PDE11A: variants seen among roughly 807,000 people sequenced by gnomAD.
The protein encoded by PDE11A is dual 3',5'-cyclic-AMP and -GMP phosphodiesterase 11A.
PDE11A carries 100 observed loss-of-function variants against 100.5 expected under a neutral mutation model. The ratio of observed to expected loss-of-function variants is 1.00; its 90% CI spans 0.85 to 1.18. The LOEUF (loss-of-function observed/expected upper bound fraction) is 1.18. Ranked by LOEUF, PDE11A falls within the 50% of genes most tolerant of loss-of-function variation. The pLI is 0.00. For synonymous variants in PDE11A, 381 were observed against 420.8 expected (o/e 0.91, Z 1.16); for missense variants, 1,141 against 1,152.6 (o/e 0.99, Z 0.15).
chr2:178,060,790 C>G (rs1036623766), intron 1 of PDE11A, among the ~76,000 whole-genome samples: 1 of 151,960 alleles, frequency 6.6e-6, no homozygotes, highest in Non-Finnish European at 1.5e-5. Flanking sequence ...TTGATTCATC[C>G]AACCCTCTAG....
intron 12 of PDE11A, among the ~76,000 whole-genome samples, chr2:177,716,655 T>C (rs951246736): frequency 2.0e-5 from 3 of 152,124 alleles, no homozygotes; most frequent in African/African-American, 2.4e-5. Context: ...GTCTATCAAG[T>C]ATGAAATAAT....
At chr2:178,006,458 C>A (rs952196327) in intron 2 of PDE11A, among the ~76,000 whole-genome samples, 5 of 152,092 alleles carry the variant, frequency 3.3e-5, no homozygotes, top group African/African-American at 7.2e-5. Flanking sequence ...AACCCCTAAG[C>A]TGGACCCTGG....
chr2:177,945,923 G>C (rs1458046451), intron 2 of PDE11A, among the ~76,000 whole-genome samples: 3 of 144,192 alleles, frequency 2.1e-5, no homozygotes, highest in African/African-American at 7.6e-5. Context: ...CGGGAGGTGA[G>C]GGGTGCCTCT....
intron 10 of PDE11A, among the ~76,000 whole-genome samples, chr2:177,768,620 C>G (rs1005204581): frequency 3.3e-5 from 5 of 152,132 alleles, no homozygotes; most frequent in Non-Finnish European, 5.9e-5. Context: ...AGCAGGAATT[C>G]TGAATTGCAC....
intron 19 of PDE11A, among the ~76,000 whole-genome samples, chr2:177,635,515 C>T (rs1243149289): frequency 6.6e-6 from 1 of 152,196 alleles, no homozygotes; most frequent in African/African-American, 2.4e-5. Flanking sequence ...TCACACTCCA[C>T]TGTTGAGTTC....
chr2:177,867,468 G>A lies in PDE11A; in HGVS notation c.1367+8391C>T, dbSNP rs191363873. ...ATATGGGCTGGGTGAGGTGGCTGAC[G>A]CCTGTAATTCCAGCACTTTGGGAGG... On this transcript the variant is annotated intron_variant, in intron 5 of 19. Coordinates refer to ENST00000286063, the MANE Select transcript of PDE11A (RefSeq NM_016953.4). Among the ~76,000 whole-genome samples the A allele has an allele frequency of 3.9e-3, 589 of 152,200 alleles. 4 individuals carry two copies. Among genetic ancestry groups the A allele is most frequent in the Non-Finnish European group, 6.1e-3 (415 of 67,988 alleles).
At chr2:178,006,180 GT>G (rs1366611936) in intron 2 of PDE11A, among the ~76,000 whole-genome samples, 2 of 152,118 alleles carry the variant, frequency 1.3e-5, no homozygotes, top group Non-Finnish European at 2.9e-5. Context: ...CTCAATAAAT[GT>G]TACTCAAAAT....
intron 2 of PDE11A, among the ~76,000 whole-genome samples, chr2:178,087,155 A>C (rs13015341): frequency 0.41 from 62,364 of 151,662 alleles, 13,085 homozygotes; most frequent in African/African-American, 0.46. Context: ...GCCAAAGAGA[A>C]CAGCCTGACC....
chr2:177,854,280 G>A (rs754227009), intron 5 of PDE11A, among the ~76,000 whole-genome samples: 1 of 151,932 alleles, frequency 6.6e-6, no homozygotes, highest in Non-Finnish European at 1.5e-5. Flanking sequence ...ATAAATAGGG[G>A]TAATGAGAGC....
intron 7 of PDE11A, among the ~76,000 whole-genome samples, chr2:177,818,311 GTA>G (rs72106214): frequency 0.36 from 49,973 of 139,616 alleles, 10,076 homozygotes; most frequent in African/African-American, 0.59. Flanking sequence ...ATATATGTGT[GTA>G]TATATATATA....
chr2:177,722,573 A>G (rs1320228526), intron 12 of PDE11A, among the ~76,000 whole-genome samples: 2 of 152,182 alleles, frequency 1.3e-5, no homozygotes, highest in African/African-American at 2.4e-5. Flanking sequence ...AGATGCAGTC[A>G]GAGAGAAGAA....
At chr2:177,999,682 T>G (rs1405643) in intron 2 of PDE11A, among the ~76,000 whole-genome samples, 49,440 of 152,114 alleles carry the variant, frequency 0.33, 10,112 homozygotes, top group East Asian at 0.55. Flanking sequence ...GGAGAGCAAT[T>G]CTTCCAAAAT....
chr2:177,890,405 T>C (rs2084511136), intron 4 of PDE11A, among the ~76,000 whole-genome samples: 2 of 152,194 alleles, frequency 1.3e-5, no homozygotes, highest in African/African-American at 4.8e-5. Flanking sequence ...TTCAAGCAAG[T>C]ATACATGACT....
intron 12 of PDE11A, among the ~76,000 whole-genome samples, chr2:177,715,878 T>C (rs1386667517): frequency 6.6e-6 from 1 of 152,228 alleles, no homozygotes; most frequent in Non-Finnish European, 1.5e-5. Context: ...GAGTAAAGCA[T>C]CACAAAACTC....
chr2:177,830,874 T>C (rs1253218058), intron 6 of PDE11A, among the ~76,000 whole-genome samples: 2 of 152,122 alleles, frequency 1.3e-5, no homozygotes, highest in Admixed American at 6.6e-5. Context: ...GTAGGTCTTT[T>C]CTGTCTTACA....
chr2:177,932,980 A>C (rs1302800880), intron 2 of PDE11A, among the ~76,000 whole-genome samples: 1 of 152,186 alleles, frequency 6.6e-6, no homozygotes, highest in Non-Finnish European at 1.5e-5. Flanking sequence ...AGGATGTAAA[A>C]TTAATGTACA....
rs138281156 is a variant in PDE11A, at chr2:177,924,402, T to G, written c.1072-19215A>C. ...GTATTGGTCTTAAAGGGCAGAAATT[T>G]TCCTTACGAATATCTCTGGCAGACT... On this transcript the variant is annotated intron_variant, in intron 2 of 19. Transcript: ENST00000286063. Among the ~76,000 whole-genome samples, 416 of 152,292 alleles carry G rather than the reference T, an allele frequency of 2.7e-3. 4 individuals are homozygous for G. The highest frequency in any genetic ancestry group is 0.023 in the South Asian group (109 of 4,828).
chr2:177,881,514 T>G (rs1305046196), intron 4 of PDE11A, among the ~76,000 whole-genome samples: 1 of 152,218 alleles, frequency 6.6e-6, no homozygotes, highest in Non-Finnish European at 1.5e-5. Flanking sequence ...ACAGCCAAAT[T>G]GACCCTGAGT....
At chr2:177,713,997 T>C (rs192097333) in intron 12 of PDE11A, among the ~76,000 whole-genome samples, 2,109 of 120,370 alleles carry the variant, frequency 0.018, 64 homozygotes, top group African/African-American at 0.061. Context: ...CTTTTTTTTT[T>C]TTTTTTTTTT....
Sources: allele counts gnomAD v4.1 joint callset (sites outside exome capture counted in the v4.1 genomes callset), GRCh38; gene constraint gnomAD v4.1.1; transcripts MANE v1.5; gene names NCBI Gene and HGNC (gene_info 2026-07-23, HGNC 2026-07-21).